NRXN3: variants seen among roughly 807,000 people sequenced by gnomAD.
NRXN3 encodes neurexin 3.
Under a neutral mutation model 137.6 loss-of-function variants are expected in NRXN3, and 32 were observed. The observed-to-expected ratio is 0.23, with a 90% CI of 0.18 to 0.31. NRXN3 has a LOEUF of 0.31. Ranked by LOEUF, NRXN3 falls within the 10% of genes least tolerant of loss-of-function variation. NRXN3 has a pLI of 1.00. For missense variants in NRXN3, 1,574 were observed against 2,062.5 expected (o/e 0.76, Z 4.59); for synonymous variants, 798 against 784.5 (o/e 1.02, Z -0.29).
At chr14:78,532,665 C>A (rs1437048208) in intron 4 of NRXN3, among the ~76,000 whole-genome samples, 2 of 152,014 alleles carry the variant, frequency 1.3e-5, no homozygotes, top group Non-Finnish European at 2.9e-5. Flanking sequence ...TTCCTGTGTT[C>A]CCACCTAGCA....
intron 19 of NRXN3, among the ~76,000 whole-genome samples, chr14:79,705,818 T>C (rs1220073607): frequency 6.6e-6 from 1 of 152,194 alleles, no homozygotes; most frequent in Non-Finnish European, 1.5e-5. Context: ...ATAGCACTTA[T>C]CACTGCCTGA....
At chr14:78,740,013 C>T (rs936492936) in intron 8 of NRXN3, among the ~76,000 whole-genome samples, 3 of 152,136 alleles carry the variant, frequency 2.0e-5, no homozygotes, top group African/African-American at 7.2e-5. Flanking sequence ...CTCCTTTTGC[C>T]TAGGTTGGGT....
intron 16 of NRXN3, among the ~76,000 whole-genome samples, chr14:79,591,284 G>A (rs770896083): frequency 2.7e-4 from 41 of 152,088 alleles, no homozygotes; most frequent in Non-Finnish European, 4.3e-4. Flanking sequence ...GACAGTCACC[G>A]TGTCATCAAG....
At position 79,502,114 on chromosome 14, in the gene NRXN3, C is replaced by G. The variant is rs2096831699; in HGVS notation, c.3444+34712C>G. On this transcript the variant is annotated intron_variant, in intron 16 of 20. Coordinates refer to ENST00000335750, the MANE Select transcript of NRXN3 (RefSeq NM_001330195.2). ...GTATTCAGTGAATGACACTCATTGA[C>G]CAACTGCAGGTCTGGCATGATCATC... is the stretch of plus-strand genomic sequence containing the variant. 2.0e-5 allele frequency among the ~76,000 whole-genome samples: 3 copies of G among 152,292 alleles called. No individual in the cohort carries two copies. The South Asian group carries it at 6.2e-4, about 32-fold the overall frequency.
chr14:78,617,116 T>G (rs1273222926), intron 4 of NRXN3, among the ~76,000 whole-genome samples: 1 of 152,206 alleles, frequency 6.6e-6, no homozygotes, highest in African/African-American at 2.4e-5. Flanking sequence ...ACAAAAGCCC[T>G]GATATGTATA....
At chr14:79,672,581 A>C (rs2098615295) in intron 17 of NRXN3, among the ~76,000 whole-genome samples, 1 of 152,060 alleles carries the variant, frequency 6.6e-6, no homozygotes, top group African/African-American at 2.4e-5. Flanking sequence ...ACAATCATCA[A>C]ATATTGCATA....
intron 1 of NRXN3, among the ~76,000 whole-genome samples, chr14:78,185,057 C>A (rs775546528): frequency 1.3e-5 from 2 of 152,230 alleles, no homozygotes; most frequent in Non-Finnish European, 2.9e-5. Flanking sequence ...GCTGGTTGAG[C>A]TGGCACTGTG....
intron 20 of NRXN3, among the ~76,000 whole-genome samples, chr14:79,806,590 A>T (rs967806854): frequency 6.6e-6 from 1 of 152,162 alleles, no homozygotes; most frequent in Non-Finnish European, 1.5e-5. Context: ...AAAAGGGCAG[A>T]TACATCCGAA....
In NRXN3 at chr14:79,700,040, C is replaced by G. The variant is rs141590935; in HGVS notation, c.4014+2103C>G. ...TTTTTTGTTCTTGACCACTAGTCATCAGAACTCTGCCCTGTGCTCCATTAA... is the reference window on the plus strand; with the variant it reads ...TTTTTTGTTCTTGACCACTAGTCATGAGAACTCTGCCCTGTGCTCCATTAA... On this transcript the variant is annotated intron_variant, in intron 19 of 20. Coordinates refer to ENST00000335750, the MANE Select transcript of NRXN3 (RefSeq NM_001330195.2). Among the ~76,000 whole-genome samples, 328 of 152,124 alleles carry G rather than the reference C, an allele frequency of 2.2e-3. 1 individual carries two copies. Among genetic ancestry groups the G allele is most frequent in the African/African-American group, 7.4e-3 (308 of 41,530 alleles).
At chr14:78,390,315 G>A (rs1049258977) in intron 4 of NRXN3, among the ~76,000 whole-genome samples, 2 of 152,124 alleles carry the variant, frequency 1.3e-5, no homozygotes, top group Non-Finnish European at 2.9e-5. Flanking sequence ...TATCTATTGT[G>A]TCATTTGCAG....
chr14:79,619,177 T>A (rs553863026), intron 16 of NRXN3, among the ~76,000 whole-genome samples: 11 of 152,318 alleles, frequency 7.2e-5, no homozygotes, highest in South Asian at 6.2e-4. Context: ...ATTGATAGTT[T>A]CTTTTGCTGT....
intron 2 of NRXN3, among the ~76,000 whole-genome samples, chr14:78,262,938 G>C (rs117787892): frequency 6.6e-6 from 1 of 152,134 alleles, no homozygotes; most frequent in African/African-American, 2.4e-5. Context: ...GAGACTTCCC[G>C]ATCTACCCTC....
intron 19 of NRXN3, among the ~76,000 whole-genome samples, chr14:79,703,740 T>G (rs561480801): frequency 6.6e-6 from 1 of 152,136 alleles, no homozygotes; most frequent in Admixed American, 6.5e-5. Flanking sequence ...GCTGTATATC[T>G]CTGGGCAGGT....
chr14:78,600,911 C>T (rs988186408), intron 4 of NRXN3, among the ~76,000 whole-genome samples: 1 of 152,176 alleles, frequency 6.6e-6, no homozygotes, highest in Non-Finnish European at 1.5e-5. Context: ...GACCTTTTCC[C>T]CTTGCTCAAC....
chr14:79,174,692 G>A (rs570104010), intron 15 of NRXN3, among the ~76,000 whole-genome samples: 61 of 150,658 alleles, frequency 4.0e-4, no homozygotes, highest in Admixed American at 5.3e-4. Flanking sequence ...ATGGAATTAA[G>A]TAAATTATAG....
At chr14:79,123,635 T>C (rs1306408039) in intron 15 of NRXN3, among the ~76,000 whole-genome samples, 1 of 152,116 alleles carries the variant, frequency 6.6e-6, no homozygotes, top group African/African-American at 2.4e-5. Flanking sequence ...GTGTATAAAA[T>C]ATATAATTGA....
intron 8 of NRXN3, among the ~76,000 whole-genome samples, chr14:78,732,478 A>G (rs1167257903): frequency 6.6e-6 from 1 of 152,174 alleles, no homozygotes; most frequent in Non-Finnish European, 1.5e-5. Flanking sequence ...ATGTGCCCCA[A>G]TATTGATAAA....
chr14:79,235,174 G>T (rs1434315784), intron 15 of NRXN3, among the ~76,000 whole-genome samples: 1 of 152,090 alleles, frequency 6.6e-6, no homozygotes, highest in Admixed American at 6.6e-5. Context: ...TTCAGAGCAT[G>T]TCTCATGTCA....
chr14:79,812,994 G>GTA lies in NRXN3; in HGVS notation c.4093+7818_4093+7819dup, dbSNP rs147637259. On this transcript the variant is annotated intron_variant, in intron 20 of 20. Coordinates refer to ENST00000335750, the MANE Select transcript of NRXN3 (RefSeq NM_001330195.2). ...TAAGCCCCAAGTATATGTACTGTGTGTATATATATATATATGATATGCACA... is the reference window on the plus strand; with the variant it reads ...TAAGCCCCAAGTATATGTACTGTGTGTATATATATATATATATGATATGCACA... 2.6e-3 allele frequency among the ~76,000 whole-genome samples: 387 copies of GTA among 150,108 alleles called. 3 individuals carry two copies. The highest frequency in any genetic ancestry group is 7.4e-3 in the South Asian group (35 of 4,752).
Sources: allele counts gnomAD v4.1 joint callset (sites outside exome capture counted in the v4.1 genomes callset), GRCh38; gene constraint gnomAD v4.1.1; transcripts MANE v1.5; gene names NCBI Gene and HGNC (gene_info 2026-07-23, HGNC 2026-07-21).